IL16: variants seen among roughly 807,000 people sequenced by gnomAD.
The protein encoded by IL16 is pro-interleukin-16.
A neutral mutation model predicts 110.1 loss-of-function variants in IL16; 67 were observed. That is an observed-to-expected ratio of 0.61 (90% confidence interval 0.50 to 0.75). The LOEUF (loss-of-function observed/expected upper bound fraction) is 0.75. Among genes scored for constraint, IL16 ranks in the 30% least tolerant of loss-of-function variants. The pLI, the probability that IL16 is intolerant of heterozygous loss-of-function variation, is 0.00. For missense variants in IL16, 1,545 were observed against 1,655.0 expected, an observed-to-expected ratio of 0.93 and a Z score of 1.15; for synonymous variants, 689 against 662.9, an observed-to-expected ratio of 1.04 and a Z score of -0.61.
chr15:81,217,407 GAA>G (rs1896471147), intron 1 of IL16, among the ~76,000 whole-genome samples: 1 of 152,058 alleles, frequency 6.6e-6, no homozygotes. Context: ...GGAAGTAATG[GAA>G]AAAGTTTCAA....
chr15:81,300,060 T>G lies in IL16; in HGVS notation c.2734T>G (p.Ser912Ala). Residue 912 changes from serine to alanine, a missense_variant, in exon 14 of 19, where the codon TCC (serine) becomes GCC (alanine). This residue lies in a region of IL16 where 1,185 missense variants were observed against 1,238.8 expected (regional missense o/e 0.96). Coordinates refer to ENST00000683961, the MANE Select transcript of IL16 (RefSeq NM_172217.5). ...ACTGTCCTCGGGGTCCCCTGCAGCC[T>G]CCGAGGCCAGAGACCCAGGTGTGTC... ...QVLSSGSPAA[S>A]EARDPGVSES... is the part of the protein sequence containing the mutation. 6.4e-7 allele frequency: 1 copy of G among 1,566,460 alleles called. No individual in the cohort carries two copies. The highest frequency in any genetic ancestry group is 8.6e-7 in the Non-Finnish European group (1 of 1,158,352).
chr15:81,245,858 T>C (rs905840384), intron 2 of IL16, among the ~76,000 whole-genome samples: 4 of 150,992 alleles, frequency 2.6e-5, no homozygotes, highest in Admixed American at 6.6e-5. Context: ...AAGGTTCCTA[T>C]CTGATCTGTC....
At chr15:81,206,118 CTA>C (rs1896008459) in intron 1 of IL16, among the ~76,000 whole-genome samples, 1 of 152,194 alleles carries the variant, frequency 6.6e-6, no homozygotes, top group South Asian at 2.1e-4. Context: ...AGCTTGAATT[CTA>C]TGACTTACAA....
At chr15:81,225,155 G>A (rs1273563192) in intron 1 of IL16, 144 bp from the exon 2 acceptor site, 2 of 622,786 alleles carry the variant, frequency 3.2e-6, no homozygotes, top group Non-Finnish European at 5.3e-6. Flanking sequence ...CACACTGGAA[G>A]GGCCAGTGAT....
chr15:81,269,401 C>G (rs575045912), intron 4 of IL16, 137 bp from the exon 5 acceptor site: 14 of 674,708 alleles, frequency 2.1e-5, no homozygotes, highest in Non-Finnish European at 3.2e-5. Flanking sequence ...TAACCACATT[C>G]TGGTTGTTAC....
At chr15:81,274,639 T>C (rs1382772470) in intron 6 of IL16, among the ~76,000 whole-genome samples, 1 of 152,332 alleles carries the variant, frequency 6.6e-6, no homozygotes, top group Non-Finnish European at 1.5e-5. Flanking sequence ...AATGTTGAAT[T>C]CAGAGAAAGT....
At chr15:81,291,139 C>T (rs917872751) in intron 11 of IL16, among the ~76,000 whole-genome samples, 1 of 152,206 alleles carries the variant, frequency 6.6e-6, no homozygotes, top group Non-Finnish European at 1.5e-5. Context: ...GCATTAATCA[C>T]GTCTACCATG....
intron 2 of IL16, among the ~76,000 whole-genome samples, chr15:81,240,045 A>G (rs965649325): frequency 2.0e-5 from 3 of 152,206 alleles, no homozygotes; most frequent in Non-Finnish European, 4.4e-5. Context: ...TTGTCCTGGA[A>G]TTGGAAGTCT....
intron 2 of IL16, among the ~76,000 whole-genome samples, chr15:81,248,008 C>CT (rs1276103572): frequency 6.6e-6 from 1 of 152,114 alleles, no homozygotes; most frequent in Non-Finnish European, 1.5e-5. Context: ...TCTGCTTGAT[C>CT]TATCAGTTTC....
upstream of IL16, among the ~76,000 whole-genome samples, chr15:81,195,326 C>G (rs1895569303): frequency 6.6e-6 from 1 of 152,178 alleles, no homozygotes; most frequent in African/African-American, 2.4e-5. Context: ...AATTGCTCCT[C>G]AGCCTCTCTG....
intron 1 of IL16, among the ~76,000 whole-genome samples, chr15:81,186,128 A>C (rs968687678): frequency 6.6e-6 from 1 of 152,212 alleles, no homozygotes; most frequent in East Asian, 1.9e-4. Context: ...CCTCGCCCTG[A>C]ACCCTGGAAA....
intron 2 of IL16, among the ~76,000 whole-genome samples, chr15:81,232,059 TTTTTTTTC>T (rs1215436891): frequency 1.1e-4 from 15 of 142,778 alleles, no homozygotes; most frequent in Admixed American, 2.8e-4. Context: ...TTTTTTTTTT[TTTTTTTTC>T]TTTTTTTTTT....
intron 2 of IL16, among the ~76,000 whole-genome samples, chr15:81,246,023 G>A (rs1897534181): frequency 6.6e-6 from 1 of 151,918 alleles, no homozygotes; most frequent in Non-Finnish European, 1.5e-5. Context: ...GTTATATTCA[G>A]CATCTTCAGG....
chr15:81,206,962 G>A (rs1896042044), intron 1 of IL16, among the ~76,000 whole-genome samples: 1 of 152,054 alleles, frequency 6.6e-6, no homozygotes, highest in Admixed American at 6.6e-5. Flanking sequence ...GGCCAGGTGT[G>A]GTGGCTCATG....
chr15:81,283,786 G>C (rs564956615), intron 9 of IL16, among the ~76,000 whole-genome samples: 2 of 152,088 alleles, frequency 1.3e-5, no homozygotes, highest in African/African-American at 4.8e-5. Context: ...CGAGTGAATG[G>C]CCTGAGCTCA....
chr15:81,264,441 C>T (rs1265629461), intron 3 of IL16, among the ~76,000 whole-genome samples: 1 of 152,210 alleles, frequency 6.6e-6, no homozygotes, highest in Admixed American at 6.5e-5. Flanking sequence ...CTTTTCTTCT[C>T]AAGCTACCCT....
In IL16 at chr15:81,232,687, A is replaced by C. The variant is rs540834095; in HGVS notation, c.312+6976A>C. On this transcript the variant is annotated intron_variant, in intron 2 of 18. Coordinates refer to ENST00000683961, the MANE Select transcript of IL16 (RefSeq NM_172217.5). ...ATTGACTTTTTTGAATGTTGAAACA[A>C]CTTTGTCTTCCTGGAATAAACTCAA... 1.4e-4 allele frequency among the ~76,000 whole-genome samples: 21 copies of C among 152,300 alleles called. No individual in the cohort carries two copies. The East Asian group carries it at 3.9e-3, about 28-fold the overall frequency.
At chr15:81,196,609 C>T (rs1895603074), upstream of IL16, among the ~76,000 whole-genome samples, 1 of 152,210 alleles carries the variant, frequency 6.6e-6, no homozygotes, top group Non-Finnish European at 1.5e-5. Flanking sequence ...CGAGTCATGT[C>T]TGCTACCTTT....
intron 1 of IL16, among the ~76,000 whole-genome samples, chr15:81,188,777 T>TCATCCCTTCCTCTC (rs1895454673): frequency 3.3e-5 from 5 of 152,116 alleles, no homozygotes; most frequent in Non-Finnish European, 7.4e-5. Context: ...CTCTTCCTCT[T>TCATCCCTTCCTCTC]CTCATCCCTT....
Sources: gnomAD v4.1 joint callset for allele counts (sites outside exome capture counted in the v4.1 genomes callset) on GRCh38, gnomAD v4.1.1 for gene constraint, gnomAD v4.1.1 regional missense constraint, MANE v1.5 for transcripts, NCBI Gene and HGNC (gene_info 2026-07-23, HGNC 2026-07-21) for gene names.